The following AP2B1 variants were observed in gnomAD, a reference collection of about 807,000 sequenced individuals.
AP2B1 encodes adaptor related protein complex 2 subunit beta 1, also known as AP-2 complex subunit beta.
In AP2B1, 23 loss-of-function variants were observed where a neutral mutation model predicts 102.0. The ratio of observed to expected loss-of-function variants is 0.23; its 90% CI spans 0.16 to 0.32. AP2B1 has a LOEUF of 0.32. AP2B1 is among the 10% of genes least tolerant of loss of function. The probability of loss-of-function intolerance (pLI) is 1.00; values close to 1 mark genes in which losing one functional copy is unlikely to be tolerated. For missense variants in AP2B1, 541 were observed against 1,157.4 expected, an observed-to-expected ratio of 0.47 and a Z score of 7.73; for synonymous variants, 381 against 421.2, an observed-to-expected ratio of 0.90 and a Z score of 1.17.
chr17:35,617,348 C>A (rs1433481095), intron 5 of AP2B1, among the ~76,000 whole-genome samples: 1 of 152,120 alleles, frequency 6.6e-6, no homozygotes, highest in Non-Finnish European at 1.5e-5. Context: ...GAGTGAGCCA[C>A]CATGCCCAGC....
chr17:35,677,232 A>AT (rs1301200530), intron 17 of AP2B1, among the ~76,000 whole-genome samples: 8 of 152,180 alleles, frequency 5.3e-5, no homozygotes, highest in Non-Finnish European at 1.2e-4. Context: ...TCAAGTAGTC[A>AT]TCCTGCCTTG....
At chr17:35,594,099 A>T (rs1270877937) in intron 2 of AP2B1, 32 bp downstream of exon 2, 1 of 1,516,530 alleles carries the variant, frequency 6.6e-7, no homozygotes, top group South Asian at 1.2e-5. Context: ...AATCTTTTGA[A>T]ATTTTCAAAA....
At chr17:35,635,776 A>T (rs2074591347) in intron 9 of AP2B1, among the ~76,000 whole-genome samples, 1 of 152,092 alleles carries the variant, frequency 6.6e-6, no homozygotes, top group Non-Finnish European at 1.5e-5. Flanking sequence ...GGCTCATTGC[A>T]GCCTCCACCT....
Position 35,707,084 on chromosome 17 carries a change from G to A in AP2B1, c.2455-2140G>A, listed in dbSNP as rs113322841. Among the ~76,000 whole-genome samples, 1,363 of 152,212 alleles carry A rather than the reference G, an allele frequency of 9.0e-3. 15 individuals carry two copies. Among genetic ancestry groups the A allele is most frequent in the African/African-American group, 0.031 (1,274 of 41,510 alleles). Reference sequence around the variant, plus strand: ...GATGAGTTAGAAAATACTCTTTCCCGGAAGCCCACGGCTGGCATCAATCTT... The same window carrying A: ...GATGAGTTAGAAAATACTCTTTCCCAGAAGCCCACGGCTGGCATCAATCTT... On this transcript the variant is annotated intron_variant, in intron 18 of 21. Coordinates refer to ENST00000610402, the MANE Select transcript of AP2B1 (RefSeq NM_001030006.2).
chr17:35,689,339 C>T (rs1391521589), intron 18 of AP2B1, among the ~76,000 whole-genome samples: 1 of 152,090 alleles, frequency 6.6e-6, no homozygotes, highest in East Asian at 1.9e-4. Context: ...GCCACCATAC[C>T]TAGCTAATTT....
intron 18 of AP2B1, among the ~76,000 whole-genome samples, chr17:35,683,841 G>A (rs763242746): frequency 6.6e-6 from 1 of 152,156 alleles, no homozygotes; most frequent in Non-Finnish European, 1.5e-5. Context: ...CAGAGACCCT[G>A]GAAGGGCAGC....
At chr17:35,700,995 T>C (rs587644125) in intron 18 of AP2B1, among the ~76,000 whole-genome samples, 12 of 152,358 alleles carry the variant, frequency 7.9e-5, no homozygotes, top group African/African-American at 2.4e-4. Context: ...TTAGGTAATC[T>C]TCTTGGTACC....
intron 3 of AP2B1, among the ~76,000 whole-genome samples, chr17:35,604,253 G>A (rs543050597): frequency 7.2e-5 from 11 of 151,792 alleles, no homozygotes; most frequent in Non-Finnish European, 1.6e-4. Flanking sequence ...GACCACAGGC[G>A]CACACCACCA....
intron 3 of AP2B1, chr17:35,601,092 T>C (rs1427890912): frequency 3.0e-5 from 22 of 741,296 alleles, no homozygotes; most frequent in Non-Finnish European, 3.5e-5. Context: ...CAGGCTGGCA[T>C]AGTAAGTACT....
intron 14 of AP2B1, among the ~76,000 whole-genome samples, chr17:35,666,610 G>A (rs948477806): frequency 2.0e-5 from 3 of 152,054 alleles, no homozygotes; most frequent in African/African-American, 7.2e-5. Context: ...AGGCAATCCT[G>A]GGAACAATAG....
intron 3 of AP2B1, among the ~76,000 whole-genome samples, chr17:35,599,990 C>T (rs1175026639): frequency 1.3e-5 from 2 of 152,128 alleles, no homozygotes; most frequent in African/African-American, 2.4e-5. Flanking sequence ...TTTATCGATA[C>T]GGCTTCAGAT....
intron 18 of AP2B1, among the ~76,000 whole-genome samples, chr17:35,684,552 CA>C (rs2075891499): frequency 6.6e-6 from 1 of 152,022 alleles, no homozygotes; most frequent in African/African-American, 2.4e-5. Flanking sequence ...TTTTTTTCAG[CA>C]AAGGGAATAA....
At chr17:35,715,408 A>T (rs1312531740) in intron 20 of AP2B1, among the ~76,000 whole-genome samples, 1 of 152,254 alleles carries the variant, frequency 6.6e-6, no homozygotes, top group Non-Finnish European at 1.5e-5. Flanking sequence ...CCCTTGCCAC[A>T]TGTATATGCT....
chr17:35,723,857 GTT>G lies in AP2B1; in HGVS notation c.*159_*160del. 1 of 544,122 alleles carries G rather than the reference GTT, an allele frequency of 1.8e-6. No individual in the cohort carries two copies. The highest frequency in any genetic ancestry group is 3.3e-6 in the Non-Finnish European group (1 of 299,722). 33.7% of individuals were successfully genotyped at this position (544,122 alleles called of 1,614,324 possible). A position where few individuals can be genotyped will look rare whatever the true frequency, so the allele number is the denominator to read the frequency against. On this transcript the variant is annotated 3_prime_UTR_variant, in exon 22 of 22. Transcript: ENST00000610402. ...CTGTGCTAACATTAGGGCACAACCT[GTT>G]GGATAGTTTTAGCTTCCTGTGAACA...
At chr17:35,703,152 G>C (rs1174926328) in intron 18 of AP2B1, among the ~76,000 whole-genome samples, 2 of 151,120 alleles carry the variant, frequency 1.3e-5, no homozygotes, top group Non-Finnish European at 2.9e-5. Flanking sequence ...AGCGCCTGTA[G>C]TCCCAGCTAG....
rs782388953 is a variant in AP2B1, at chr17:35,717,202, T to A, written c.2634T>A (p.Val878=). The A allele has an allele frequency of 6.2e-7, 1 of 1,613,816 alleles. No homozygotes were observed. Among genetic ancestry groups the A allele is most frequent in the South Asian group, 1.1e-5 (1 of 91,046 alleles). The stretch of plus-strand genomic sequence containing the variant: ...TTGAATCTGTATTTCTAGACACTGT[T>A]TCCAGCAAGTTGCAAAACAACAATG... ...IKECHLNADT[V]SSKLQNNNVY... Residue 878 remains valine (V), a synonymous_variant, in exon 21 of 22, where the codon GTT becomes GTA. Transcript: ENST00000610402.
intron 5 of AP2B1, among the ~76,000 whole-genome samples, chr17:35,620,125 T>G (rs1323241972): frequency 6.6e-6 from 1 of 152,138 alleles, no homozygotes; most frequent in Non-Finnish European, 1.5e-5. Context: ...TGTCCCTTTG[T>G]CACCTGGATG....
rs111612302 is a variant in AP2B1, at chr17:35,648,181, A to G, written c.1537-2349A>G. On this transcript the variant is annotated intron_variant, in intron 12 of 21. Transcript: ENST00000610402. ...TAGACATACTTTTGAGGTAGGTACCAGGATATTTATTGCCACTTTATAATG... is the reference window on the plus strand; with the variant it reads ...TAGACATACTTTTGAGGTAGGTACCGGGATATTTATTGCCACTTTATAATG... Among the ~76,000 whole-genome samples the G allele has an allele frequency of 4.2e-3, 636 of 152,338 alleles. 4 individuals carry two copies. The highest frequency in any genetic ancestry group is 0.017 in the Middle Eastern group (5 of 294).
In AP2B1 at chr17:35,703,362, A is replaced by G. The variant is rs587659523; in HGVS notation, c.2455-5862A>G. Among the ~76,000 whole-genome samples the G allele has an allele frequency of 4.6e-5, 7 of 152,212 alleles. No homozygotes were observed. The South Asian group carries it at 1.0e-3, about 23-fold the overall frequency. On this transcript the variant is annotated intron_variant, in intron 18 of 21. Transcript: ENST00000610402. ...CCAAAAGAATACAAGTCATTCTATCATAAAGACACATGCACACCTATGTTC... is the reference window on the plus strand; with the variant it reads ...CCAAAAGAATACAAGTCATTCTATCGTAAAGACACATGCACACCTATGTTC...
Sources: gnomAD v4.1 joint callset for allele counts (sites outside exome capture counted in the v4.1 genomes callset) on GRCh38, gnomAD v4.1.1 for gene constraint, MANE v1.5 for transcripts, NCBI Gene and HGNC (gene_info 2026-07-23, HGNC 2026-07-21) for gene names.